ADARB2: variants seen among roughly 807,000 people sequenced by gnomAD.
ADARB2 encodes adenosine deaminase RNA specific B2 (inactive).
In ADARB2, 25 loss-of-function variants were observed where a neutral mutation model predicts 62.2. The observed-to-expected ratio is 0.40, with a 90% CI of 0.29 to 0.56. The LOEUF is 0.56. Ranked by LOEUF, ADARB2 falls within the 20% of genes least tolerant of loss-of-function variation. The pLI is 0.43. For missense variants in ADARB2, 1,071 were observed against 1,077.4 expected (o/e 0.99, Z 0.08); for synonymous variants, 572 against 500.8 (o/e 1.14, Z -1.90).
At chr10:1,350,974 G>A (rs1484095533) in intron 3 of ADARB2, among the ~76,000 whole-genome samples, 3 of 152,126 alleles carry the variant, frequency 2.0e-5, no homozygotes, top group Admixed American at 6.5e-5. Flanking sequence ...CGCCTGAACC[G>A]CAGCTGCCAG....
intron 1 of ADARB2, among the ~76,000 whole-genome samples, chr10:1,515,291 G>T (rs941528714): frequency 6.6e-6 from 1 of 152,174 alleles, no homozygotes; most frequent in African/African-American, 2.4e-5. Flanking sequence ...TGGATCCCCC[G>T]CTGGGAACCT....
At chr10:1,589,794 C>A (rs1419504325) in intron 1 of ADARB2, among the ~76,000 whole-genome samples, 2 of 152,240 alleles carry the variant, frequency 1.3e-5, no homozygotes, top group African/African-American at 4.8e-5. Flanking sequence ...CAGTCTCAGC[C>A]TCCTGAGTAG....
intron 1 of ADARB2, among the ~76,000 whole-genome samples, chr10:1,728,939 C>T (rs61831447): frequency 9.2e-5 from 14 of 152,176 alleles, no homozygotes; most frequent in Non-Finnish European, 1.9e-4. Flanking sequence ...TTTTCAAAAG[C>T]TACTGCTTAT....
intron 1 of ADARB2, among the ~76,000 whole-genome samples, chr10:1,509,988 C>A (rs1831900572): frequency 6.6e-6 from 1 of 152,020 alleles, no homozygotes; most frequent in Non-Finnish European, 1.5e-5. Context: ...GCTTCCCTTT[C>A]TTTTTCTCTT....
At chr10:1,213,724 C>T (rs564943918) in intron 7 of ADARB2, among the ~76,000 whole-genome samples, 47 of 152,364 alleles carry the variant, frequency 3.1e-4, no homozygotes, top group Non-Finnish European at 5.9e-4. Context: ...CCCCAAATCC[C>T]GGACACTGAA....
At chr10:1,655,417 G>A (rs796865479) in intron 1 of ADARB2, among the ~76,000 whole-genome samples, 8 of 152,326 alleles carry the variant, frequency 5.3e-5, no homozygotes, top group African/African-American at 1.9e-4. Context: ...TCTTTTCCGG[G>A]CTGAGTTTTC....
At chr10:1,511,204 G>A (rs1392905845) in intron 1 of ADARB2, among the ~76,000 whole-genome samples, 1 of 152,108 alleles carries the variant, frequency 6.6e-6, no homozygotes, top group Admixed American at 6.5e-5. Context: ...TGGGCGTATC[G>A]GGTGGATGCA....
intron 3 of ADARB2, among the ~76,000 whole-genome samples, chr10:1,281,748 A>T (rs761776258): frequency 2.0e-5 from 3 of 152,194 alleles, no homozygotes; most frequent in African/African-American, 7.2e-5. Context: ...TAAGCCCAGG[A>T]AACTTCCATG....
rs961762127 is a variant in ADARB2 at position 1,285,814 on chromosome 10, A to G, written c.1078-14745T>C. Among the ~76,000 whole-genome samples, 6 of 152,230 alleles carry G rather than the reference A, an allele frequency of 3.9e-5. No individual in the cohort carries two copies. The East Asian group carries it at 9.6e-4, about 24-fold the overall frequency. On this transcript the variant is annotated intron_variant, in intron 3 of 9. Transcript: ENST00000381312. ...ATTTTGAATGGCATGAATAAATAAA[A>G]TGTGCTCAAATTTGCAGCAGTAGTC...
At chr10:1,525,588 G>T (rs1275761856) in intron 1 of ADARB2, among the ~76,000 whole-genome samples, 1 of 152,106 alleles carries the variant, frequency 6.6e-6, no homozygotes, top group Non-Finnish European at 1.5e-5. Context: ...CGGCTCTGTG[G>T]GTTGCATCTG....
chr10:1,585,791 T>C (rs1384010219), intron 1 of ADARB2, among the ~76,000 whole-genome samples: 1 of 152,124 alleles, frequency 6.6e-6, no homozygotes. Context: ...TCTCAGCACT[T>C]TGGGAGGCCA....
rs1833778389 is a variant in ADARB2 at position 1,626,961 on chromosome 10, G to T, written c.100+110090C>A. On this transcript the variant is annotated intron_variant, in intron 1 of 9. Coordinates refer to ENST00000381312, the MANE Select transcript of ADARB2 (RefSeq NM_018702.4). Reference sequence around the variant, plus strand: ...GCCTTCCTCCTAAGAATCCCTCTCTGTGGGGTCCTGCTGCCCTCTCCTTGC... The same window carrying T: ...GCCTTCCTCCTAAGAATCCCTCTCTTTGGGGTCCTGCTGCCCTCTCCTTGC... Among the ~76,000 whole-genome samples, 3 of 151,886 alleles carry T rather than the reference G, an allele frequency of 2.0e-5. No individual in the cohort carries two copies. In the South Asian group the frequency reaches 6.2e-4, roughly 32 times the overall value.
intron 1 of ADARB2, among the ~76,000 whole-genome samples, chr10:1,607,696 A>G (rs935939867): frequency 1.3e-5 from 2 of 152,306 alleles, no homozygotes; most frequent in Admixed American, 6.5e-5. Context: ...AGCGACATGC[A>G]TAGAATCATG....
rs951591950 is a variant in ADARB2 at position 1,683,206 on chromosome 10, A to ATTTGCAT, written c.100+53844_100+53845insATGCAAA. Among the ~76,000 whole-genome samples the ATTTGCAT allele has an allele frequency of 3.0e-4, 46 of 152,110 alleles. 1 individual carries two copies. The highest frequency in any genetic ancestry group is 1.5e-4 in the Non-Finnish European group (10 of 68,008). On this transcript the variant is annotated intron_variant, in intron 1 of 9. Transcript: ENST00000381312. ...TAGCATTCCTACCGAGATAGGTCTGACCCCAGATGCAATTCACTTTTCCGA... is the reference window on the plus strand; with the variant it reads ...TAGCATTCCTACCGAGATAGGTCTGATTTGCATCCCCAGATGCAATTCACTTTTCCGA...
chr10:1,223,212 CTGTT>C (rs1223801924), intron 6 of ADARB2, among the ~76,000 whole-genome samples: 11 of 152,028 alleles, frequency 7.2e-5, no homozygotes, highest in East Asian at 5.8e-4. Context: ...ATTTGGCTCT[CTGTT>C]TGTCTGTTAT....
chr10:1,411,395 C>T (rs546629750), intron 1 of ADARB2, among the ~76,000 whole-genome samples: 1 of 152,252 alleles, frequency 6.6e-6, no homozygotes, highest in Non-Finnish European at 1.5e-5. Flanking sequence ...CACAGCACCA[C>T]GTCCTCTCCA....
chr10:1,228,998 G>T (rs967516741), intron 6 of ADARB2, among the ~76,000 whole-genome samples: 1 of 152,142 alleles, frequency 6.6e-6, no homozygotes, highest in Non-Finnish European at 1.5e-5. Context: ...TCAGAATCTC[G>T]GCCAGAGTGC....
chr10:1,691,899 A>G (rs892723115), intron 1 of ADARB2, among the ~76,000 whole-genome samples: 53 of 150,392 alleles, frequency 3.5e-4, no homozygotes, highest in African/African-American at 1.3e-3. Context: ...TCATTACTAA[A>G]TGTGTGTGTG....
At chr10:1,240,328 C>A (rs35441889) in intron 5 of ADARB2, 3 of 40,274 alleles carry the variant, frequency 7.4e-5, no homozygotes, top group East Asian at 5.0e-4. Context: ...TCCCCTCTGC[C>A]TCCCGGTGTT....
Sources: gnomAD v4.1 joint callset for allele counts (sites outside exome capture counted in the v4.1 genomes callset) on GRCh38, gnomAD v4.1.1 for gene constraint, MANE v1.5 for transcripts, NCBI Gene and HGNC (gene_info 2026-07-23, HGNC 2026-07-21) for gene names.